The following CCDC134 variants were observed in gnomAD, a reference collection of about 807,000 sequenced individuals.
CCDC134 encodes coiled-coil domain containing 134.
A neutral mutation model predicts 25.6 loss-of-function variants in CCDC134; 27 were observed. The ratio of observed to expected loss-of-function variants is 1.05; its 90% CI spans 0.78 to 1.45. CCDC134 has a LOEUF of 1.45. Among genes scored for constraint, CCDC134 ranks in the 40% most tolerant of loss-of-function variants. The pLI is 0.00. For synonymous variants in CCDC134, 110 were observed against 115.0 expected, an observed-to-expected ratio of 0.96 and a Z score of 0.28; for missense variants, 261 against 286.7, an observed-to-expected ratio of 0.91 and a Z score of 0.65.
chr22:41,810,086 G>A, intron 3 of CCDC134, 86 bp downstream of exon 3: 1 of 1,598,610 alleles, frequency 6.3e-7, no homozygotes, highest in Non-Finnish European at 8.6e-7. Context: ...TAACGGGTTG[G>A]TGTTCAGGGA....
At chr22:41,809,149 C>T (rs1015540831) in intron 2 of CCDC134, among the ~76,000 whole-genome samples, 156 bp downstream of exon 2, 18 of 152,314 alleles carry the variant, frequency 1.2e-4, no homozygotes, top group African/African-American at 2.4e-4. Flanking sequence ...CAGGTCTCTC[C>T]GGAGCTTCAG....
At chr22:41,806,453 C>T (rs1332439946) in intron 1 of CCDC134, among the ~76,000 whole-genome samples, 1 of 151,768 alleles carries the variant, frequency 6.6e-6, no homozygotes, top group Non-Finnish European at 1.5e-5. Context: ...ATCTCCTGAC[C>T]TTGTGATCCG....
intron 6 of CCDC134, among the ~76,000 whole-genome samples, chr22:41,818,528 G>T (rs139572): frequency 6.6e-6 from 1 of 152,246 alleles, no homozygotes; most frequent in Admixed American, 6.5e-5. Context: ...CAGCTGTGTT[G>T]ACTCTTTTCT....
At chr22:41,823,255 C>T (rs1056148455) in intron 6 of CCDC134, among the ~76,000 whole-genome samples, 59 of 139,904 alleles carry the variant, frequency 4.2e-4, no homozygotes, top group African/African-American at 1.3e-3. Flanking sequence ...GACAAAGTCT[C>T]GCTCTGTTGC....
chr22:41,820,632 C>T (rs1234865950), intron 6 of CCDC134, among the ~76,000 whole-genome samples: 1 of 152,120 alleles, frequency 6.6e-6, no homozygotes, highest in Non-Finnish European at 1.5e-5. Context: ...GAAGTAGAGC[C>T]AGTGGGATTT....
In CCDC134 at chr22:41,825,789, G is replaced by T; in HGVS notation, c.656G>T (p.Gly219Val). The T allele has an allele frequency of 6.2e-7, 1 of 1,614,200 alleles. No individual in the cohort carries two copies. Among genetic ancestry groups the T allele is most frequent in the African/African-American group, 1.3e-5 (1 of 75,052 alleles). The change falls in exon 7 of 7, where the codon GGC (glycine) becomes GTC (valine). Residue 219 changes from glycine (G) to valine (V), a missense_variant. Physicochemically the swap from Gly to Val is moderately radical, Grantham distance 109 (BLOSUM62 -3). Coordinates refer to ENST00000255784, the MANE Select transcript of CCDC134 (RefSeq NM_024821.5). This position sits in a 1 kb window ranked among gnomAD's most constrained non-coding sequence, Gnocchi z 4.4. Reference protein sequence around the residue: ...KEEKRKEIRKGPRISRSQSEL With the variant: ...KEEKRKEIRKVPRISRSQSEL ...GAGAAGCGGAAGGAGATCCGAAAAG[G>T]CCCAAGGATCTCCAGATCCCAGTCT...
intron 6 of CCDC134, among the ~76,000 whole-genome samples, chr22:41,820,312 T>TA (rs1285675834): frequency 5.3e-5 from 8 of 151,590 alleles, no homozygotes; most frequent in African/African-American, 1.9e-4. Context: ...TATATATATA[T>TA]TTTTAAGACA....
rs777891835 is a variant in CCDC134, at chr22:41,810,193, C to T, written c.226-14C>T. 13 of 1,613,248 alleles carry T rather than the reference C, an allele frequency of 8.1e-6. No individual in the cohort carries two copies. Among genetic ancestry groups the T allele is most frequent in the Middle Eastern group, 1.7e-4 (1 of 6,056 alleles). On this transcript the variant is annotated splice_polypyrimidine_tract_variant and intron_variant, in intron 3 of 6. Coordinates refer to ENST00000255784, the MANE Select transcript of CCDC134 (RefSeq NM_024821.5). ...GCACTGCGAAGCCACTCAGCCCTGG[C>T]GGGATTCCCTCAGGTGCTGGAGGAC...
chr22:41,809,057 T>C (rs1011684498), intron 2 of CCDC134, 64 bp downstream of exon 2: 1 of 1,366,090 alleles, frequency 7.3e-7, no homozygotes, highest in Non-Finnish European at 1.0e-6. Flanking sequence ...GTTCTTCTAC[T>C]CAGGGATTCC....
intron 6 of CCDC134, among the ~76,000 whole-genome samples, chr22:41,822,164 A>G (rs2076655565): frequency 6.6e-6 from 1 of 152,036 alleles, no homozygotes; most frequent in Non-Finnish European, 1.5e-5. Flanking sequence ...TGAAGACAGG[A>G]GGAGATAAGG....
chr22:41,827,940 T>G lies in CCDC134; in HGVS notation c.*2117T>G, dbSNP rs1182229707. ...TGACTTAGCAGAGAAGGTGCTTGGC[T>G]TTCCCCTTAACTGGAGAAAAAACTT... On this transcript the variant is annotated 3_prime_UTR_variant, in exon 7 of 7. Coordinates refer to ENST00000255784, the MANE Select transcript of CCDC134 (RefSeq NM_024821.5). Among the ~76,000 whole-genome samples the G allele has an allele frequency of 1.3e-5, 2 of 152,222 alleles. No individual in the cohort carries two copies. The highest frequency in any genetic ancestry group is 2.9e-5 in the Non-Finnish European group (2 of 68,036).
intron 5 of CCDC134, 116 bp from the exon 6 acceptor site, chr22:41,813,635 C>G (rs1285310685): frequency 4.0e-6 from 5 of 1,251,434 alleles, no homozygotes; most frequent in South Asian, 3.9e-5. Context: ...ATGGGATCAT[C>G]ATGTGGCCCA....
At position 41,825,797 on chromosome 22, in the gene CCDC134, A is replaced by AT. The variant is rs1397347798; in HGVS notation, c.665dup (p.Ser223LeufsTer6). ...GAAGGAGATCCGAAAAGGCCCAAGG[A>AT]TCTCCAGATCCCAGTCTGAGTTATA... On this transcript the variant is annotated frameshift_variant, in exon 7 of 7. Transcript: ENST00000255784. LOFTEE classifies it high-confidence loss of function. This position sits in a 1 kb window ranked among gnomAD's most constrained non-coding sequence, Gnocchi z 4.4. The AT allele has an allele frequency of 6.2e-7, 1 of 1,614,068 alleles. No individual in the cohort carries two copies. Among genetic ancestry groups the AT allele is most frequent in the Admixed American group, 1.7e-5 (1 of 60,006 alleles).
At chr22:41,820,556 T>A (rs1440969835) in intron 6 of CCDC134, among the ~76,000 whole-genome samples, 1 of 152,184 alleles carries the variant, frequency 6.6e-6, no homozygotes, top group Non-Finnish European at 1.5e-5. Flanking sequence ...TGGCAGTTGA[T>A]AGTGGCTTGA....
In CCDC134 at chr22:41,825,382, G is replaced by A. The variant is rs1372142179; in HGVS notation, c.565-316G>A. 6.6e-6 allele frequency among the ~76,000 whole-genome samples: 1 copy of A among 152,016 alleles called. No individual in the cohort carries two copies. The highest frequency in any genetic ancestry group is 1.5e-5 in the Non-Finnish European group (1 of 67,992). On this transcript the variant is annotated intron_variant, in intron 6 of 6. Transcript: ENST00000255784. This position sits in a 1 kb window ranked among gnomAD's most constrained non-coding sequence, Gnocchi z 4.4. ...GTGTGGGGCTCCCGGGTCTGTGGTG[G>A]TCTCAGCCACTCTACTCCCTCACCC...
intron 6 of CCDC134, among the ~76,000 whole-genome samples, chr22:41,815,668 T>C (rs1278668778): frequency 6.6e-6 from 1 of 152,062 alleles, no homozygotes; most frequent in Non-Finnish European, 1.5e-5. Flanking sequence ...ATTATTTTTT[T>C]TATAGACAGG....
rs926048526 is a variant in CCDC134, at chr22:41,829,837, G to C, written c.*4014G>C. Among the ~76,000 whole-genome samples the C allele has an allele frequency of 1.3e-5, 2 of 151,468 alleles. No homozygotes were observed. The highest frequency in any genetic ancestry group is 1.3e-4 in the Admixed American group (2 of 15,220). On this transcript the variant is annotated 3_prime_UTR_variant, in exon 7 of 7. Transcript: ENST00000255784. ...TTGCCTGCCTGGAGTGCAGTGGTGC[G>C]ATCTCGGCTCACTGCAACCCCCGCC...
Position 41,825,975 on chromosome 22 carries a change from A to C in CCDC134, c.*152A>C. 1 of 1,061,938 alleles carries C rather than the reference A, an allele frequency of 9.4e-7. No individual in the cohort carries two copies. Among genetic ancestry groups the C allele is most frequent in the Non-Finnish European group, 1.4e-6 (1 of 729,500 alleles). 65.8% of individuals were successfully genotyped at this position (1,061,938 alleles called of 1,614,324 possible). On this transcript the variant is annotated 3_prime_UTR_variant, in exon 7 of 7. Coordinates refer to ENST00000255784, the MANE Select transcript of CCDC134 (RefSeq NM_024821.5). This position sits in a 1 kb window ranked among gnomAD's most constrained non-coding sequence, Gnocchi z 4.4. ...CCCCCTGGAGCTGGGTCTGAGCCCCAGCTGAAGGGACTGAGCCTCAGATGG... is the reference window on the plus strand; with the variant it reads ...CCCCCTGGAGCTGGGTCTGAGCCCCCGCTGAAGGGACTGAGCCTCAGATGG...
chr22:41,816,546 G>C (rs529805648), intron 6 of CCDC134, among the ~76,000 whole-genome samples: 75 of 152,346 alleles, frequency 4.9e-4, no homozygotes, highest in African/African-American at 1.7e-3. Context: ...CAGACCCTAG[G>C]ATTGTTTTGC....
Sources: allele counts gnomAD v4.1 joint callset (sites outside exome capture counted in the v4.1 genomes callset), GRCh38; gene constraint gnomAD v4.1.1; non-coding constraint Gnocchi (gnomAD v3.1); transcripts MANE v1.5; gene names NCBI Gene and HGNC (gene_info 2026-07-23, HGNC 2026-07-21).